NBAS: variants seen among roughly 807,000 people sequenced by gnomAD.
NBAS encodes the protein NBAS subunit of NRZ tethering complex.
NBAS carries 219 observed loss-of-function variants against 302.5 expected under a neutral mutation model. The observed-to-expected ratio is 0.72, with a 90% CI of 0.65 to 0.81. NBAS has a LOEUF of 0.81. NBAS is among the 30% of genes least tolerant of loss of function. The pLI is 0.00. For synonymous variants in NBAS, 1,118 were observed against 1,021.6 expected (o/e 1.09, Z -1.80); for missense variants, 2,932 against 2,841.6 (o/e 1.03, Z -0.72).
At chr2:15,382,562 C>T (rs1675092158) in intron 29 of NBAS, among the ~76,000 whole-genome samples, 1 of 152,064 alleles carries the variant, frequency 6.6e-6, no homozygotes, top group Non-Finnish European at 1.5e-5. Context: ...GCCAAGGGAA[C>T]AACGTGTGCA....
At chr2:15,342,678 T>G (rs1259993070) in intron 35 of NBAS, among the ~76,000 whole-genome samples, 1 of 152,014 alleles carries the variant, frequency 6.6e-6, no homozygotes, top group African/African-American at 2.4e-5. Flanking sequence ...CTTTCACATA[T>G]ATTAATGTAT....
chr2:15,144,599 C>A, the NBAS span, among the ~76,000 whole-genome samples: 2 of 152,160 alleles, frequency 1.3e-5, no homozygotes. Flanking sequence ...TTCTGAGTGG[C>A]CACATTGCTG....
the NBAS span, among the ~76,000 whole-genome samples, chr2:15,153,373 G>A: frequency 1.3e-5 from 2 of 152,230 alleles, no homozygotes; most frequent in African/African-American, 4.8e-5. Flanking sequence ...AAGGCTATTT[G>A]TGGAAGAATA....
intron 35 of NBAS, among the ~76,000 whole-genome samples, chr2:15,339,796 C>T (rs1672763612): frequency 6.6e-6 from 1 of 151,760 alleles, no homozygotes; most frequent in Non-Finnish European, 1.5e-5. Flanking sequence ...TGAGCAGACA[C>T]CTGATGGAAG....
chr2:15,161,027 C>A, the NBAS span, among the ~76,000 whole-genome samples: 16 of 152,304 alleles, frequency 1.1e-4, no homozygotes, highest in African/African-American at 3.9e-4. Context: ...TATCCAAGTT[C>A]ATGGTCATGG....
the NBAS span, among the ~76,000 whole-genome samples, chr2:14,942,505 G>T: frequency 6.6e-6 from 1 of 152,128 alleles, no homozygotes; most frequent in Non-Finnish European, 1.5e-5. Flanking sequence ...GTTTCCTGAG[G>T]CTTCCTCAGA....
chr2:15,168,780 G>A (rs1266833859), intron 51 of NBAS, among the ~76,000 whole-genome samples: 1 of 152,102 alleles, frequency 6.6e-6, no homozygotes, highest in Non-Finnish European at 1.5e-5. Flanking sequence ...CAGGTGCATG[G>A]CACCACGCCT....
At chr2:15,497,216 T>C (rs1380988897) in intron 11 of NBAS, among the ~76,000 whole-genome samples, 1 of 152,206 alleles carries the variant, frequency 6.6e-6, no homozygotes, top group African/African-American at 2.4e-5. Context: ...TCTGTCATCA[T>C]TCTTAGTTCA....
intron 25 of NBAS, among the ~76,000 whole-genome samples, chr2:15,413,222 C>T (rs74874865): frequency 0.02 from 3,089 of 152,268 alleles, 72 homozygotes; most frequent in East Asian, 0.06. Flanking sequence ...TGTCTTGCTA[C>T]ATTTTTTATA....
intron 44 of NBAS, among the ~76,000 whole-genome samples, chr2:15,266,290 G>C (rs368894968): frequency 6.6e-6 from 1 of 152,164 alleles, no homozygotes; most frequent in South Asian, 2.1e-4. Flanking sequence ...GAATACAGCA[G>C]ACATTGTTAA....
the NBAS span, among the ~76,000 whole-genome samples, chr2:15,014,989 GACT>G: frequency 6.6e-6 from 1 of 151,790 alleles, no homozygotes; most frequent in African/African-American, 2.4e-5. Context: ...GGACATCAGA[GACT>G]ACTATGAGCA....
intron 11 of NBAS, among the ~76,000 whole-genome samples, chr2:15,500,820 A>C (rs1203968625): frequency 1.3e-5 from 2 of 151,864 alleles, no homozygotes; most frequent in African/African-American, 4.8e-5. Flanking sequence ...GCTACTCAGG[A>C]GGCTGAGGCA....
At chr2:14,845,485 G>A in the NBAS span, among the ~76,000 whole-genome samples, 8 of 152,148 alleles carry the variant, frequency 5.3e-5, no homozygotes, top group Non-Finnish European at 7.3e-5. Context: ...CTAACTCTTC[G>A]ATTTCAAGAC....
the NBAS span, among the ~76,000 whole-genome samples, chr2:14,887,867 T>G: frequency 2.0e-5 from 3 of 152,236 alleles, no homozygotes; most frequent in African/African-American, 2.4e-5. Context: ...AATTGAATAA[T>G]GTATGACTGA....
chr2:15,020,947 C>T, the NBAS span, among the ~76,000 whole-genome samples: 4 of 152,128 alleles, frequency 2.6e-5, no homozygotes, highest in African/African-American at 9.7e-5. Context: ...AAAAAGCTGA[C>T]CTGGCCAGGC....
intron 38 of NBAS, among the ~76,000 whole-genome samples, chr2:15,314,591 T>G (rs1297578243): frequency 6.6e-6 from 1 of 151,852 alleles, no homozygotes; most frequent in Non-Finnish European, 1.5e-5. Flanking sequence ...GCCCAAAAAA[T>G]CCACAACAGC....
chr2:15,340,869 G>A lies in NBAS; in HGVS notation c.4180-10104C>T, dbSNP rs536364149. The stretch of plus-strand genomic sequence containing the variant: ...AAACAAAGACTGAGATTTGACCCAC[G>A]AACTTCGCAACAAGAGGTCACTGGT... On this transcript the variant is annotated intron_variant, in intron 35 of 51. Coordinates refer to ENST00000281513, the MANE Select transcript of NBAS (RefSeq NM_015909.4). Among the ~76,000 whole-genome samples the A allele has an allele frequency of 1.1e-4, 16 of 152,178 alleles. No individual in the cohort carries two copies. In the East Asian group the frequency reaches 1.4e-3, roughly 13 times the overall value.
At chr2:14,908,773 T>G in the NBAS span, among the ~76,000 whole-genome samples, 1 of 152,184 alleles carries the variant, frequency 6.6e-6, no homozygotes, top group Non-Finnish European at 1.5e-5. Context: ...CCAACTGCTC[T>G]GAAGATGAAA....
At chr2:15,472,307 C>T (rs1436972001) in intron 16 of NBAS, among the ~76,000 whole-genome samples, 1 of 152,162 alleles carries the variant, frequency 6.6e-6, no homozygotes, top group African/African-American at 2.4e-5. Flanking sequence ...CACTTACTTC[C>T]CCGCTTCCTC....
Sources: allele counts gnomAD v4.1 joint callset (sites outside exome capture counted in the v4.1 genomes callset), GRCh38; gene constraint gnomAD v4.1.1; transcripts MANE v1.5; gene names NCBI Gene and HGNC (gene_info 2026-07-23, HGNC 2026-07-21).